SLC18A2: variants seen among roughly 807,000 people sequenced by gnomAD.
SLC18A2 encodes synaptic vesicular amine transporter.
In SLC18A2, 33 loss-of-function variants were observed where a neutral mutation model predicts 59.2. The observed-to-expected ratio is 0.56, with a 90% confidence interval of 0.42 to 0.75. The LOEUF (loss-of-function observed/expected upper bound fraction) is 0.75, where lower values mean the gene tolerates loss of function less well. Ranked by LOEUF, SLC18A2 falls within the 30% of genes least tolerant of loss-of-function variation. The probability of loss-of-function intolerance (pLI) is 0.00; values close to 1 mark genes in which losing one functional copy is unlikely to be tolerated. For missense variants in SLC18A2, 569 were observed against 668.6 expected, an observed-to-expected ratio of 0.85 and a Z score of 1.64; for synonymous variants, 228 against 253.5, an observed-to-expected ratio of 0.90 and a Z score of 0.95.
chr10:117,273,564 T>A (rs1178081721), intron 15 of SLC18A2, among the ~76,000 whole-genome samples: 1 of 152,186 alleles, frequency 6.6e-6, no homozygotes, highest in African/African-American at 2.4e-5. Context: ...CTGGATGCCA[T>A]GCGTGGGGCA....
intron 3 of SLC18A2, among the ~76,000 whole-genome samples, chr10:117,252,518 G>A (rs1003940236): frequency 2.0e-5 from 3 of 152,160 alleles, no homozygotes; most frequent in African/African-American, 7.2e-5. Flanking sequence ...AGGCAGAGGG[G>A]CTGGGAAGCT....
chr10:117,275,516 T>C (rs1349719560), intron 15 of SLC18A2, among the ~76,000 whole-genome samples: 1 of 152,218 alleles, frequency 6.6e-6, no homozygotes, highest in Non-Finnish European at 1.5e-5. Flanking sequence ...TGATAATTCA[T>C]TTTAGTTGCA....
At chr10:117,251,263 A>G (rs1021376049) in intron 3 of SLC18A2, among the ~76,000 whole-genome samples, 4 of 152,096 alleles carry the variant, frequency 2.6e-5, no homozygotes, top group Non-Finnish European at 5.9e-5. Flanking sequence ...CATGGGACAA[A>G]CTGTAGTTGC....
intron 2 of SLC18A2, among the ~76,000 whole-genome samples, chr10:117,242,342 A>T (rs1472924776): frequency 1.3e-5 from 2 of 152,058 alleles, no homozygotes. Context: ...TGGTTCTATT[A>T]TTTTTCCTAT....
intron 10 of SLC18A2, among the ~76,000 whole-genome samples, chr10:117,263,506 T>C (rs918178071): frequency 2.0e-5 from 3 of 152,204 alleles, no homozygotes; most frequent in African/African-American, 7.2e-5. Flanking sequence ...GCCACATTTT[T>C]TAGGGGTAGT....
At chr10:117,261,215 C>A (rs1844290622) in intron 10 of SLC18A2, among the ~76,000 whole-genome samples, 2 of 151,918 alleles carry the variant, frequency 1.3e-5, no homozygotes, top group Admixed American at 6.6e-5. Context: ...CAAAACAAAA[C>A]AAAACAAAAA....
intron 3 of SLC18A2, among the ~76,000 whole-genome samples, chr10:117,248,130 AT>A (rs1281865230): frequency 6.6e-6 from 1 of 151,402 alleles, no homozygotes; most frequent in Non-Finnish European, 1.5e-5. Flanking sequence ...TGCCTGGCTA[AT>A]TTTTTTTGTA....
intron 4 of SLC18A2, 49 bp from the exon 5 acceptor site, chr10:117,253,999 T>C (rs1390566984): frequency 1.5e-5 from 23 of 1,555,038 alleles, no homozygotes; most frequent in Non-Finnish European, 1.9e-5. Flanking sequence ...TTGGGACGGT[T>C]GTGTCCCAGC....
rs564382113 is a variant in SLC18A2 at position 117,260,300 on chromosome 10, C to T, written c.991+2408C>T. ...CTGCCTGCTTTCATGTTGACAGCCT[C>T]TGCTTTCAGCCCCACCTTCACAGTA... is the stretch of plus-strand genomic sequence containing the variant. On this transcript the variant is annotated intron_variant, in intron 10 of 15. Transcript: ENST00000644641. 1.4e-4 allele frequency among the ~76,000 whole-genome samples: 21 copies of T among 152,380 alleles called. No homozygotes were observed. In the South Asian group the frequency reaches 4.1e-3, roughly 30 times the overall value.
At chr10:117,258,052 G>C (rs1844250168) in intron 10 of SLC18A2, among the ~76,000 whole-genome samples, 160 bp downstream of exon 10, 1 of 152,164 alleles carries the variant, frequency 6.6e-6, no homozygotes, top group South Asian at 2.1e-4. Context: ...CTTGGGGTCT[G>C]TTTGTTCTCT....
intron 9 of SLC18A2, among the ~76,000 whole-genome samples, chr10:117,256,144 G>A (rs1318049688): frequency 6.6e-6 from 1 of 152,194 alleles, no homozygotes; most frequent in Non-Finnish European, 1.5e-5. Context: ...CATCCCTGCC[G>A]AGCAGCAGGG....
At chr10:117,267,957 CTGAT>C in intron 13 of SLC18A2, 1 of 440,454 alleles carries the variant, frequency 2.3e-6, no homozygotes. Context: ...TTTTTAAAAG[CTGAT>C]ATTTACAGAA....
rs1053043932 is a variant in SLC18A2 at position 117,247,296 on chromosome 10, G to A, written c.464+2983G>A. ...TTAATATGTTTCTGATTAAAGAGTA[G>A]TTAAAAATATGGAGCATCAGAGCTT... On this transcript the variant is annotated intron_variant, in intron 3 of 15. Transcript: ENST00000644641. Among the ~76,000 whole-genome samples, 4 of 152,324 alleles carry A rather than the reference G, an allele frequency of 2.6e-5. No individual in the cohort carries two copies. The East Asian group carries it at 5.8e-4, about 22-fold the overall frequency.
intron 15 of SLC18A2, among the ~76,000 whole-genome samples, chr10:117,275,565 A>G (rs926453772): frequency 1.3e-5 from 2 of 152,184 alleles, no homozygotes; most frequent in Admixed American, 6.5e-5. Context: ...TCATCTAACT[A>G]CCACGGAGTG....
intron 2 of SLC18A2, among the ~76,000 whole-genome samples, chr10:117,243,184 T>C (rs878915983): frequency 1.7e-4 from 26 of 152,268 alleles, no homozygotes; most frequent in Admixed American, 1.7e-3. Flanking sequence ...TTAATTTTTT[T>C]CTAAGACACA....
intron 2 of SLC18A2, among the ~76,000 whole-genome samples, chr10:117,243,754 T>C (rs1305952179): frequency 3.3e-5 from 5 of 152,022 alleles, no homozygotes; most frequent in African/African-American, 1.2e-4. Context: ...CCCAGCTAAT[T>C]TTTGTATTTT....
intron 5 of SLC18A2, 44 bp from the exon 6 acceptor site, chr10:117,254,361 T>A: frequency 6.7e-7 from 1 of 1,492,202 alleles, no homozygotes; most frequent in Non-Finnish European, 9.1e-7. Context: ...ATTCTTTTGC[T>A]GTTCCCCGGA....
intron 15 of SLC18A2, among the ~76,000 whole-genome samples, chr10:117,275,641 C>T (rs753125575): frequency 2.6e-5 from 4 of 152,290 alleles, no homozygotes; most frequent in Middle Eastern, 3.4e-3. Flanking sequence ...TTAACTGCTC[C>T]GTGCCTGTTT....
Position 117,241,815 on chromosome 10 carries a change from G to A in SLC18A2, c.121+1G>A. ...GACAACATGCTGCTCACTGTCGTGGGTACGTGCGGACAGGGCACCCCTGCC... is the reference window on the plus strand; with the variant it reads ...GACAACATGCTGCTCACTGTCGTGGATACGTGCGGACAGGGCACCCCTGCC... On this transcript the variant is annotated splice_donor_variant, in intron 2 of 15. Coordinates refer to ENST00000644641, the MANE Select transcript of SLC18A2 (RefSeq NM_003054.6). LOFTEE classifies it high-confidence loss of function. The A allele has an allele frequency of 6.2e-7, 1 of 1,604,638 alleles. No homozygotes were observed. The highest frequency in any genetic ancestry group is 8.5e-7 in the Non-Finnish European group (1 of 1,176,476).
Sources: allele counts gnomAD v4.1 joint callset (sites outside exome capture counted in the v4.1 genomes callset), GRCh38; gene constraint gnomAD v4.1.1; transcripts MANE v1.5; gene names NCBI Gene and HGNC (gene_info 2026-07-23, HGNC 2026-07-21).